Variants in AGXT2 observed in about 807,000 individuals in gnomAD.
AGXT2 encodes the protein alanine--glyoxylate aminotransferase 2, mitochondrial.
In AGXT2, 61 loss-of-function variants were observed where a neutral mutation model predicts 62.5. That is an observed-to-expected ratio of 0.98 (90% CI 0.79 to 1.21). The LOEUF is 1.21. AGXT2 is among the 50% of genes most tolerant of loss of function. AGXT2 has a pLI of 0.00. For missense variants in AGXT2, 666 were observed against 641.5 expected (o/e 1.04, Z -0.41); for synonymous variants, 243 against 218.7 (o/e 1.11, Z -0.98).
chr5:35,022,063 G>T (rs999505666), intron 9 of AGXT2, among the ~76,000 whole-genome samples: 2 of 152,046 alleles, frequency 1.3e-5, no homozygotes, highest in African/African-American at 2.4e-5. Flanking sequence ...TCATTAAAAA[G>T]TCAGGAAACA....
chr5:35,045,484 ATAG>A (rs1768153142), intron 1 of AGXT2, among the ~76,000 whole-genome samples: 1 of 152,188 alleles, frequency 6.6e-6, no homozygotes, highest in Non-Finnish European at 1.5e-5. Flanking sequence ...CCTTCCTGGA[ATAG>A]AGGGCAGGAG....
At chr5:35,035,401 G>GC in intron 4 of AGXT2, 85 bp from the exon 5 acceptor site, 1 of 1,118,500 alleles carries the variant, frequency 8.9e-7, no homozygotes, top group Admixed American at 1.7e-5. Context: ...CAGGTGTCCA[G>GC]CCCCTGAGTA....
chr5:35,007,621 A>G (rs1222404373), intron 12 of AGXT2, among the ~76,000 whole-genome samples: 3 of 152,118 alleles, frequency 2.0e-5, no homozygotes, highest in Admixed American at 6.5e-5. Context: ...GAATTAGGGG[A>G]TGTAGGAGCT....
At chr5:35,015,734 C>T (rs1766826768) in intron 9 of AGXT2, among the ~76,000 whole-genome samples, 1 of 151,298 alleles carries the variant, frequency 6.6e-6, no homozygotes, top group South Asian at 2.1e-4. Context: ...CCTGTAGTCC[C>T]AGCTACCTGG....
intron 1 of AGXT2, among the ~76,000 whole-genome samples, chr5:35,041,104 C>T (rs1480912447): frequency 1.3e-5 from 2 of 150,908 alleles, no homozygotes; most frequent in African/African-American, 2.4e-5. Flanking sequence ...GCTCTCAATA[C>T]ACACGGCATT....
At chr5:35,037,681 A>G (rs1233219813) in intron 3 of AGXT2, among the ~76,000 whole-genome samples, 1 of 152,204 alleles carries the variant, frequency 6.6e-6, no homozygotes, top group East Asian at 1.9e-4. Flanking sequence ...CCTCCTGAGT[A>G]GCTGGGACTA....
Position 35,035,299 on chromosome 5 carries a change from G to A in AGXT2, c.504C>T (p.Asn168=), listed in dbSNP as rs73088777. ...PEPLKVIFLV[N]SGSEANELAM... ...CCAGCTCATTGGCTTCTGAGCCACT[G>A]TTCACCAAGAAAATGACCTGGAGAG... Residue 168 remains asparagine (N), a synonymous_variant, in exon 5 of 14, where the codon AAC becomes AAT. Transcript: ENST00000231420. 2,524 of 1,613,914 alleles carry A rather than the reference G, an allele frequency of 1.6e-3. 46 individuals are homozygous for A. In the African/African-American group the frequency reaches 0.03, roughly 19 times the overall value.
intron 1 of AGXT2, among the ~76,000 whole-genome samples, chr5:35,041,587 C>T (rs1014033666): frequency 5.3e-5 from 8 of 152,074 alleles, no homozygotes; most frequent in African/African-American, 1.9e-4. Context: ...GTCTAGAGAC[C>T]TTATAAGTAC....
At chr5:35,004,683 G>A (rs1766357557) in intron 12 of AGXT2, among the ~76,000 whole-genome samples, 1 of 152,246 alleles carries the variant, frequency 6.6e-6, no homozygotes, top group African/African-American at 2.4e-5. Flanking sequence ...ATTGGAAGCA[G>A]GGCTTAGGCA....
chr5:35,021,595 C>T (rs199649719), intron 9 of AGXT2, among the ~76,000 whole-genome samples: 18 of 151,078 alleles, frequency 1.2e-4, no homozygotes, highest in African/African-American at 2.9e-4. Flanking sequence ...AAGACTTAAA[C>T]GTTAGACCTA....
chr5:35,036,929 A>G lies in AGXT2; in HGVS notation c.486+13T>C. On this transcript the variant is annotated intron_variant, in intron 4 of 13. Transcript: ENST00000231420. ...CCCCATAACATTCACCTCCTGCAGGAAGAGCATTGTACCTTAAGAGGCTCA... is the reference window on the plus strand; with the variant it reads ...CCCCATAACATTCACCTCCTGCAGGGAGAGCATTGTACCTTAAGAGGCTCA... 6.2e-7 allele frequency: 1 copy of G among 1,613,862 alleles called. No individual in the cohort carries two copies. Among genetic ancestry groups the G allele is most frequent in the Non-Finnish European group, 8.5e-7 (1 of 1,179,930 alleles).
intron 13 of AGXT2, among the ~76,000 whole-genome samples, chr5:35,002,838 G>A (rs964814510): frequency 6.6e-6 from 1 of 152,116 alleles, no homozygotes. Context: ...TTATATAGAG[G>A]TTTTGCCTGA....
chr5:35,047,236 C>T (rs774710561), intron 1 of AGXT2, among the ~76,000 whole-genome samples: 11 of 152,192 alleles, frequency 7.2e-5, no homozygotes, highest in Admixed American at 2.0e-4. Flanking sequence ...CCCGGGAGTT[C>T]GAGACCAACT....
In AGXT2 at chr5:35,003,539, C is replaced by T. The variant is rs141863869; in HGVS notation, c.1437+224G>A. 1.7e-4 allele frequency among the ~76,000 whole-genome samples: 26 copies of T among 152,014 alleles called. No individual in the cohort carries two copies. The East Asian group carries it at 4.3e-3, about 25-fold the overall frequency. ...CCGCGACAACCAAACCATTTTCACT[C>T]AGCGCCCCCTAGTGGCCTGAGAGCT... On this transcript the variant is annotated intron_variant, in intron 13 of 13. Transcript: ENST00000231420.
At chr5:35,030,245 C>T (rs1286776867) in intron 7 of AGXT2, among the ~76,000 whole-genome samples, 6 of 152,172 alleles carry the variant, frequency 3.9e-5, no homozygotes, top group East Asian at 3.9e-4. Context: ...TGGTGGCTCA[C>T]GCATGTGATC....
chr5:35,003,641 T>C, intron 13 of AGXT2, 122 bp downstream of exon 13: 10 of 951,056 alleles, frequency 1.1e-5, no homozygotes, highest in South Asian at 1.0e-4. Context: ...CTCGGCACAG[T>C]TGTGTAAAAA....
intron 13 of AGXT2, among the ~76,000 whole-genome samples, chr5:35,003,042 T>C (rs972350843): frequency 6.6e-6 from 1 of 152,182 alleles, no homozygotes; most frequent in Non-Finnish European, 1.5e-5. Context: ...CTCCACCCTG[T>C]AGCCCATCCC....
rs758041138 is a variant in AGXT2, at chr5:35,025,726, C to A, written c.963+37G>T. 5.6e-6 allele frequency: 9 copies of A among 1,597,334 alleles called. No homozygotes were observed. The Admixed American group carries it at 1.3e-4, about 24-fold the overall frequency. On this transcript the variant is annotated intron_variant, in intron 9 of 13. Coordinates refer to ENST00000231420, the MANE Select transcript of AGXT2 (RefSeq NM_031900.4). ...GGTTTCTGTCTGTGCATCTCCTGTT[C>A]CCACTGCACTCAATGGCACCCTTAC...
At chr5:35,031,587 T>C (rs1767558819) in intron 7 of AGXT2, among the ~76,000 whole-genome samples, 1 of 152,218 alleles carries the variant, frequency 6.6e-6, no homozygotes, top group African/African-American at 2.4e-5. Flanking sequence ...GGCTTGTTGA[T>C]TAGCAAGGAA....
Sources: gnomAD v4.1 joint callset for allele counts (sites outside exome capture counted in the v4.1 genomes callset) on GRCh38, gnomAD v4.1.1 for gene constraint, MANE v1.5 for transcripts, NCBI Gene and HGNC (gene_info 2026-07-23, HGNC 2026-07-21) for gene names.